Variants in PRRG4 observed in about 807,000 individuals in gnomAD.
PRRG4 encodes transmembrane gamma-carboxyglutamic acid protein 4.
In PRRG4, 12 loss-of-function variants were observed where a neutral mutation model predicts 20.0. That is an observed-to-expected ratio of 0.60 (90% confidence interval 0.38 to 0.97). PRRG4 has a LOEUF of 0.97. Ranked by LOEUF, PRRG4 falls within the 50% of genes least tolerant of loss-of-function variation. The pLI is 0.00. For missense variants in PRRG4, 199 were observed against 265.1 expected, an observed-to-expected ratio of 0.75 and a Z score of 1.73; for synonymous variants, 94 against 96.4, an observed-to-expected ratio of 0.98 and a Z score of 0.15.
intron 5 of PRRG4, among the ~76,000 whole-genome samples, chr11:32,846,148 G>T (rs999972728): frequency 6.6e-6 from 1 of 151,966 alleles, no homozygotes; most frequent in Non-Finnish European, 1.5e-5. Flanking sequence ...ATGGGAGAGA[G>T]ACCCTGTCTT....
At chr11:32,832,873 G>A (rs1379613355) in intron 2 of PRRG4, among the ~76,000 whole-genome samples, 5 of 152,146 alleles carry the variant, frequency 3.3e-5, no homozygotes, top group Admixed American at 6.5e-5. Flanking sequence ...GGAGAAGAAC[G>A]GAATATCTGG....
rs777171241 is a variant in PRRG4, at chr11:32,856,517, C to T, written c.*2990C>T. On this transcript the variant is annotated 3_prime_UTR_variant, in exon 6 of 6. Coordinates refer to ENST00000257836, the MANE Select transcript of PRRG4 (RefSeq NM_024081.6). ...CTGTTGCTTTCACCATTTTCTATTCCTGTTGTAAGTTTGGTGGTAGATTTA... is the reference window on the plus strand; with the variant it reads ...CTGTTGCTTTCACCATTTTCTATTCTTGTTGTAAGTTTGGTGGTAGATTTA... 2.6e-5 allele frequency: 4 copies of T among 152,212 alleles called. No homozygotes were observed. The highest frequency in any genetic ancestry group is 3.4e-3 in the Middle Eastern group (1 of 294). The allele number at this position is 152,212 out of a possible 1,614,324, so 9.4% of individuals were successfully genotyped here. A position where few individuals can be genotyped will look rare whatever the true frequency, so the allele number is the denominator to read the frequency against.
In PRRG4 at chr11:32,830,144, G is replaced by A; in HGVS notation, c.-52G>A. The A allele has an allele frequency of 9.9e-7, 1 of 1,008,220 alleles. No individual in the cohort carries two copies. Among genetic ancestry groups the A allele is most frequent in the Middle Eastern group, 4.9e-4 (1 of 2,024 alleles). 62.5% of individuals were successfully genotyped at this position (1,008,220 alleles called of 1,614,324 possible). A position where few individuals can be genotyped will look rare whatever the true frequency, so the allele number is the denominator to read the frequency against. On this transcript the variant is annotated 5_prime_UTR_variant, in exon 1 of 6. Coordinates refer to ENST00000257836, the MANE Select transcript of PRRG4 (RefSeq NM_024081.6). ...CCCCAAGAAGAGCCTCTGGCCCGGG[G>A]GCTGCTGGAACATGTGCGGGGGGAC... is the stretch of plus-strand genomic sequence containing the variant.
chr11:32,845,422 G>A (rs945116681), intron 5 of PRRG4, among the ~76,000 whole-genome samples: 2 of 152,048 alleles, frequency 1.3e-5, no homozygotes, highest in African/African-American at 2.4e-5. Context: ...TCAGGAGATC[G>A]AGACCATCCT....
rs1425478046 is a variant in PRRG4, at chr11:32,855,685, A to G, written c.*2158A>G. 6.6e-6 allele frequency: 1 copy of G among 152,218 alleles called. No homozygotes were observed. Among genetic ancestry groups the G allele is most frequent in the Non-Finnish European group, 1.5e-5 (1 of 68,034 alleles). The allele number at this position is 152,218 out of a possible 1,614,324, so 9.4% of individuals were successfully genotyped here. A position where few individuals can be genotyped will look rare whatever the true frequency, so the allele number is the denominator to read the frequency against. On this transcript the variant is annotated 3_prime_UTR_variant, in exon 6 of 6. Coordinates refer to ENST00000257836, the MANE Select transcript of PRRG4 (RefSeq NM_024081.6). ...CTTGTTGCAAATAAATCATCTAGCA[A>G]CATTTACATTTAATTAGGAAATCTA... is the stretch of plus-strand genomic sequence containing the variant.
rs1296107426 is a variant in PRRG4, at chr11:32,854,990, ATC to A, written c.*1469_*1470del. 6.6e-6 allele frequency: 1 copy of A among 152,204 alleles called. No homozygotes were observed. Among genetic ancestry groups the A allele is most frequent in the African/African-American group, 2.4e-5 (1 of 41,462 alleles). 9.4% of individuals were successfully genotyped at this position (152,204 alleles called of 1,614,324 possible). ...ATACTCCCATCTTCGTTGCAAAATT[ATC>A]TCTCTGTATAACTACATATGATTAT... On this transcript the variant is annotated 3_prime_UTR_variant, in exon 6 of 6. Coordinates refer to ENST00000257836, the MANE Select transcript of PRRG4 (RefSeq NM_024081.6).
At chr11:32,837,507 AGAT>A (rs145836180) in intron 3 of PRRG4, among the ~76,000 whole-genome samples, 3,819 of 134,554 alleles carry the variant, frequency 0.028, 82 homozygotes, top group Admixed American at 0.04. Context: ...TAACTAACTG[AGAT>A]GATGATGATG....
rs1414664641 is a variant in PRRG4, at chr11:32,829,969, G to A, written c.-227G>A. On this transcript the variant is annotated 5_prime_UTR_variant, in exon 1 of 6. Coordinates refer to ENST00000257836, the MANE Select transcript of PRRG4 (RefSeq NM_024081.6). ...CCGGACCGAGGCAGGACCTCACCCC[G>A]CGCGTGTTCCCCGGGCGCCCCTCTG... 4 of 985,400 alleles carry A rather than the reference G, an allele frequency of 4.1e-6. No individual in the cohort carries two copies. Among genetic ancestry groups the A allele is most frequent in the Non-Finnish European group, 4.8e-6 (4 of 830,040 alleles). The allele number at this position is 985,400 out of a possible 1,614,324, so 61.0% of individuals were successfully genotyped here. A position where few individuals can be genotyped will look rare whatever the true frequency, so the allele number is the denominator to read the frequency against.
At chr11:32,834,724 C>T (rs1011654905) in intron 2 of PRRG4, among the ~76,000 whole-genome samples, 5 of 151,670 alleles carry the variant, frequency 3.3e-5, no homozygotes, top group East Asian at 3.9e-4. Flanking sequence ...AGACATTTCA[C>T]ATTCTTTTTT....
At chr11:32,830,435 T>C in intron 1 of PRRG4, 73 bp from the exon 2 acceptor site, 1 of 1,193,570 alleles carries the variant, frequency 8.4e-7, no homozygotes, top group Non-Finnish European at 1.1e-6. Flanking sequence ...AGGTTGGTGA[T>C]TCAGTTCGAC....
chr11:32,850,899 G>A (rs1851177073), intron 5 of PRRG4, among the ~76,000 whole-genome samples: 1 of 152,036 alleles, frequency 6.6e-6, no homozygotes, highest in African/African-American at 2.4e-5. Context: ...GTGAAAACCA[G>A]TCTCTACTAA....
intron 5 of PRRG4, among the ~76,000 whole-genome samples, chr11:32,841,191 T>C (rs1350370781): frequency 6.6e-6 from 1 of 152,216 alleles, no homozygotes; most frequent in Non-Finnish European, 1.5e-5. Flanking sequence ...CTTTCTTTTA[T>C]GATAACGATC....
chr11:32,842,636 C>T (rs1360079587), intron 5 of PRRG4, among the ~76,000 whole-genome samples: 1 of 151,934 alleles, frequency 6.6e-6, no homozygotes, highest in Non-Finnish European at 1.5e-5. Flanking sequence ...AGGAGAATCA[C>T]TTGAACCCAG....
Position 32,847,212 on chromosome 11 carries a change from G to A in PRRG4, c.450-6084G>A, listed in dbSNP as rs1851139456. On this transcript the variant is annotated intron_variant, in intron 5 of 5. Transcript: ENST00000257836. Reference sequence around the variant, plus strand: ...TGGAGTGCAATGGCAAATTACAGGTGTGAGCCACTGCACCCGGCCAAAATA... The same window carrying A: ...TGGAGTGCAATGGCAAATTACAGGTATGAGCCACTGCACCCGGCCAAAATA... 9.2e-5 allele frequency among the ~76,000 whole-genome samples: 14 copies of A among 152,064 alleles called. No individual in the cohort carries two copies. The South Asian group carries it at 2.9e-3, about 32-fold the overall frequency.
At position 32,857,758 on chromosome 11, in the gene PRRG4, T is replaced by C. The variant is rs1204512137; in HGVS notation, c.*4231T>C. On this transcript the variant is annotated 3_prime_UTR_variant, in exon 6 of 6. Transcript: ENST00000257836. Reference sequence around the variant, plus strand: ...ATTAGTTATTTGATTTGGAATGTTATGTATGCCATTAACACTATTAGGGGA... The same window carrying C: ...ATTAGTTATTTGATTTGGAATGTTACGTATGCCATTAACACTATTAGGGGA... 6.6e-6 allele frequency: 1 copy of C among 152,218 alleles called. No individual in the cohort carries two copies. Among genetic ancestry groups the C allele is most frequent in the African/African-American group, 2.4e-5 (1 of 41,452 alleles). The allele number at this position is 152,218 out of a possible 1,614,324, so 9.4% of individuals were successfully genotyped here. A position where few individuals can be genotyped will look rare whatever the true frequency, so the allele number is the denominator to read the frequency against.
At chr11:32,838,640 G>C (rs1804241273) in intron 3 of PRRG4, among the ~76,000 whole-genome samples, 1 of 152,076 alleles carries the variant, frequency 6.6e-6, no homozygotes, top group Non-Finnish European at 1.5e-5. Flanking sequence ...AGGGAAAATA[G>C]TAGGCACAGT....
chr11:32,837,529 GATGATGATGATGATTATTATT>G (rs753602810), intron 3 of PRRG4, among the ~76,000 whole-genome samples: 19 of 113,082 alleles, frequency 1.7e-4, no homozygotes, highest in East Asian at 9.3e-4. Context: ...TGATGATGAT[GATGATGATGATGATTATTATT>G]ATTATTATTA....
At chr11:32,846,958 A>G (rs1851136338) in intron 5 of PRRG4, among the ~76,000 whole-genome samples, 1 of 151,662 alleles carries the variant, frequency 6.6e-6, no homozygotes, top group African/African-American at 2.4e-5. Flanking sequence ...AGATCCCGCC[A>G]CTGCACTCCA....
intron 5 of PRRG4, among the ~76,000 whole-genome samples, chr11:32,845,619 C>A (rs1412940343): frequency 6.7e-6 from 1 of 148,644 alleles, no homozygotes; most frequent in Non-Finnish European, 1.5e-5. Context: ...GAGCAAGACT[C>A]CGTTTCAAAA....
Sources: gnomAD v4.1 joint callset for allele counts (sites outside exome capture counted in the v4.1 genomes callset) on GRCh38, gnomAD v4.1.1 for gene constraint, MANE v1.5 for transcripts, NCBI Gene and HGNC (gene_info 2026-07-23, HGNC 2026-07-21) for gene names.